The following RBP4 variants were observed in gnomAD, a reference collection of about 807,000 sequenced individuals.
RBP4 encodes retinol-binding protein 4.
Under a neutral mutation model 26.2 loss-of-function variants are expected in RBP4, and 9 were observed. That is an observed-to-expected ratio of 0.34 (90% CI 0.21 to 0.60). RBP4 has a LOEUF of 0.60. Ranked by LOEUF, RBP4 falls within the 20% of genes least tolerant of loss-of-function variation. The pLI is 0.80. For synonymous variants in RBP4, 114 were observed against 111.0 expected (o/e 1.03, Z -0.17); for missense variants, 244 against 271.3 (o/e 0.90, Z 0.71).
At position 93,600,996 on chromosome 10, in the gene RBP4, C is replaced by G. The variant is rs2058334359; in HGVS notation, c.33G>C (p.Ala11=). The G allele has an allele frequency of 1.2e-6, 2 of 1,612,152 alleles. No individual in the cohort carries two copies. The highest frequency in any genetic ancestry group is 1.7e-6 in the Non-Finnish European group (2 of 1,179,720). Residue 11 remains alanine (A), a synonymous_variant, in exon 2 of 6, where the codon GCG becomes GCC. Coordinates refer to ENST00000371464, the MANE Select transcript of RBP4 (RefSeq NM_006744.4). ...GCTCCGCGCGGCCGCTGCCCAGCGCCGCCAACAGCAAGAGCGCCCACACCC... is the reference window on the plus strand; with the variant it reads ...GCTCCGCGCGGCCGCTGCCCAGCGCGGCCAACAGCAAGAGCGCCCACACCC... MKWVWALLLL[A]ALGSGRAERD...
At chr10:93,601,118 A>ACCCCC (rs2058335949) in intron 1 of RBP4, 53 bp downstream of exon 1, 6 of 730,552 alleles carry the variant, frequency 8.2e-6, no homozygotes, top group African/African-American at 5.7e-5. Context: ...ACCCCACCCC[A>ACCCCC]CCCCACCCCG....
chr10:93,592,127 A>G lies in RBP4; in HGVS notation c.569-15T>C. ...ATCGCAGTAACCTGGAAAATACAAA[A>G]CAAAGCCATTAACGACAGAAAGTGG... On this transcript the variant is annotated splice_polypyrimidine_tract_variant and intron_variant, in intron 5 of 5. Coordinates refer to ENST00000371464, the MANE Select transcript of RBP4 (RefSeq NM_006744.4). The G allele has an allele frequency of 6.2e-7, 1 of 1,613,822 alleles. No individual in the cohort carries two copies. The highest frequency in any genetic ancestry group is 8.5e-7 in the Non-Finnish European group (1 of 1,179,696).
At position 93,592,031 on chromosome 10, in the gene RBP4, G is replaced by A; in HGVS notation, c.*44C>T. On this transcript the variant is annotated 3_prime_UTR_variant, in exon 6 of 6. Transcript: ENST00000371464. The stretch of plus-strand genomic sequence containing the variant: ...TAAGATAAATAGAGCTGAAGACTGA[G>A]AGCTAATCAGAAGTTCTCAGATGAA... 1 of 1,516,080 alleles carries A rather than the reference G, an allele frequency of 6.6e-7. No homozygotes were observed. The highest frequency in any genetic ancestry group is 1.7e-4 in the Middle Eastern group (1 of 5,902). The allele number at this position is 1,516,080 out of a possible 1,614,324, so 93.9% of individuals were successfully genotyped here.
intron 4 of RBP4, 31 bp downstream of exon 4, chr10:93,600,362 C>T (rs761388371): frequency 4.4e-6 from 7 of 1,595,768 alleles, no homozygotes; most frequent in Non-Finnish European, 6.0e-6. Flanking sequence ...CGCCCCATTC[C>T]CAAGACAGTC....
chr10:93,593,912 T>C lies in RBP4; in HGVS notation c.479A>G (p.Asn160Ser), dbSNP rs1166604792. The C allele has an allele frequency of 6.8e-6, 11 of 1,613,818 alleles. No homozygotes were observed. In the South Asian group the frequency reaches 8.8e-5, roughly 13 times the overall value. ...SYSFVFSRDP[N>S]GLPPEAQKIV... ...CTTCTGCGCTTCTGGGGGCAGGCCG[T>C]TGGGGTCCCGGGAAAACACGAAGGA... Residue 160 changes from asparagine to serine, a missense_variant, in exon 5 of 6, where the codon AAC (asparagine) becomes AGC (serine). Coordinates refer to ENST00000371464, the MANE Select transcript of RBP4 (RefSeq NM_006744.4).
At chr10:93,598,278 A>G (rs540821995) in intron 4 of RBP4, among the ~76,000 whole-genome samples, 22 of 152,222 alleles carry the variant, frequency 1.4e-4, no homozygotes, top group Non-Finnish European at 2.6e-4. Context: ...CACTGTTCTG[A>G]GTGCTTTCTG....
intron 5 of RBP4, among the ~76,000 whole-genome samples, chr10:93,593,397 A>G (rs2058279589): frequency 6.6e-6 from 1 of 152,110 alleles, no homozygotes; most frequent in African/African-American, 2.4e-5. Flanking sequence ...TTCTCTTTGG[A>G]GCTTACTACA....
chr10:93,601,132 C>T, intron 1 of RBP4, 39 bp downstream of exon 1: 1 of 1,498,734 alleles, frequency 6.7e-7, no homozygotes, highest in South Asian at 1.3e-5. Context: ...CACCCCGGCC[C>T]ATCCCGCCGC....
intron 4 of RBP4, among the ~76,000 whole-genome samples, chr10:93,598,746 T>C (rs997599013): frequency 6.6e-6 from 1 of 152,240 alleles, no homozygotes. Flanking sequence ...AGAATCCTAG[T>C]CCATTAAGGA....
chr10:93,600,954 G>T lies in RBP4; in HGVS notation c.75C>A (p.Ser25Arg). ...SGRAERDCRV[S>R]SFRVKENFDK... ...CGAAGTTCTCCTTGACTCGGAAGCTGCTCACTCGGCAGTCGCGCTCCGCGC... is the reference window on the plus strand; with the variant it reads ...CGAAGTTCTCCTTGACTCGGAAGCTTCTCACTCGGCAGTCGCGCTCCGCGC... The change falls in exon 2 of 6, where the codon AGC becomes AGA. Residue 25 changes from serine to arginine, a missense_variant. Transcript: ENST00000371464. 6.2e-7 allele frequency: 1 copy of T among 1,612,488 alleles called. No individual in the cohort carries two copies. Among genetic ancestry groups the T allele is most frequent in the East Asian group, 2.2e-5 (1 of 44,852 alleles).
At chr10:93,599,257 AT>A (rs774044815) in intron 4 of RBP4, among the ~76,000 whole-genome samples, 30 of 150,758 alleles carry the variant, frequency 2.0e-4, no homozygotes, top group African/African-American at 4.9e-4. Context: ...TAAAAAAAAA[AT>A]AATAATAAAT....
In RBP4 at chr10:93,601,085, C is replaced by T. The variant is rs562033717; in HGVS notation, c.-18-39G>A. Reference sequence around the variant, plus strand: ...GCCTCCGTCAGTGCCCGGCAGCCGACCCCCGCCGCCGTATCCCACCTCACC... The same window carrying T: ...GCCTCCGTCAGTGCCCGGCAGCCGATCCCCGCCGCCGTATCCCACCTCACC... On this transcript the variant is annotated intron_variant, in intron 1 of 5. Coordinates refer to ENST00000371464, the MANE Select transcript of RBP4 (RefSeq NM_006744.4). The T allele has an allele frequency of 1.3e-3, 2,015 of 1,588,326 alleles. 22 individuals are homozygous for T. The African/African-American group carries it at 0.024, about 19-fold the overall frequency.
intron 4 of RBP4, 71 bp from the exon 5 acceptor site, chr10:93,594,106 G>C: frequency 2.1e-6 from 3 of 1,427,932 alleles, no homozygotes; most frequent in Admixed American, 1.7e-5. Flanking sequence ...AGAAACTCAC[G>C]ACCAGGCCTG....
At chr10:93,596,089 G>C (rs769143870) in intron 4 of RBP4, among the ~76,000 whole-genome samples, 1 of 152,034 alleles carries the variant, frequency 6.6e-6, no homozygotes, top group African/African-American at 2.4e-5. Flanking sequence ...CCCTGGTTAC[G>C]AGGATCACAG....
upstream of RBP4, chr10:93,601,611 C>G: frequency 2.7e-6 from 2 of 754,668 alleles, no homozygotes; most frequent in Non-Finnish European, 4.9e-6. Context: ...GAGAGCGGAC[C>G]CGCGAGGCTC....
intron 5 of RBP4, 143 bp from the exon 6 acceptor site, chr10:93,592,255 G>T: frequency 2.7e-6 from 2 of 740,494 alleles, no homozygotes; most frequent in Admixed American, 2.1e-5. Flanking sequence ...CAACCCTTAC[G>T]GATACAGGTG....
chr10:93,599,248 A>T (rs1349585104), intron 4 of RBP4, among the ~76,000 whole-genome samples: 1 of 147,604 alleles, frequency 6.8e-6, no homozygotes, highest in East Asian at 1.9e-4. Flanking sequence ...CCCTGTCTCT[A>T]AAAAAAAAAT....
chr10:93,592,264 T>A, intron 5 of RBP4, 152 bp from the exon 6 acceptor site: 1 of 727,154 alleles, frequency 1.4e-6, no homozygotes, highest in Non-Finnish European at 2.5e-6. Flanking sequence ...CGGATACAGG[T>A]GGCTGTAATT....
At chr10:93,600,554 C>A in intron 3 of RBP4, 55 bp from the exon 4 acceptor site, 1 of 1,612,148 alleles carries the variant, frequency 6.2e-7, no homozygotes, top group Non-Finnish European at 8.5e-7. Context: ...TCCTCCCTCC[C>A]TCCACCCATT....
Sources: allele counts gnomAD v4.1 joint callset (sites outside exome capture counted in the v4.1 genomes callset), GRCh38; gene constraint gnomAD v4.1.1; transcripts MANE v1.5; gene names NCBI Gene and HGNC (gene_info 2026-07-23, HGNC 2026-07-21).